GYS2: variants seen among roughly 807,000 people sequenced by gnomAD.
GYS2 encodes the protein glycogen [starch] synthase, liver.
A neutral mutation model predicts 85.6 loss-of-function variants in GYS2; 80 were observed. The observed-to-expected ratio is 0.93, with a 90% CI of 0.78 to 1.13. The LOEUF (loss-of-function observed/expected upper bound fraction) is 1.13, where lower values mean the gene tolerates loss of function less well. Ranked by LOEUF, GYS2 falls within the 50% of genes most tolerant of loss-of-function variation. The pLI is 0.00. For missense variants in GYS2, 881 were observed against 854.9 expected, an observed-to-expected ratio of 1.03 and a Z score of -0.38; for synonymous variants, 328 against 300.7, an observed-to-expected ratio of 1.09 and a Z score of -0.94.
chr12:21,547,892 T>C (rs1944060630), intron 11 of GYS2, among the ~76,000 whole-genome samples: 1 of 152,208 alleles, frequency 6.6e-6, no homozygotes, highest in African/African-American at 2.4e-5. Flanking sequence ...TTCTGTTCAA[T>C]TTTTCTGTGA....
intron 13 of GYS2, among the ~76,000 whole-genome samples, chr12:21,541,258 A>G (rs1194191488): frequency 9.4e-5 from 10 of 106,404 alleles, no homozygotes; most frequent in Non-Finnish European, 1.6e-4. Flanking sequence ...ACAGAGTGAG[A>G]CCATGTTTCC....
rs572016129 is a variant in GYS2, at chr12:21,561,267, C to T, written c.1063-775G>A. On this transcript the variant is annotated intron_variant, in intron 7 of 15. Coordinates refer to ENST00000261195, the MANE Select transcript of GYS2 (RefSeq NM_021957.4). ...GACATTTAAACTGCTGGCTTAGCATCTCTCAAAAGGAAATGACTTGTTAAG... is the reference window on the plus strand; with the variant it reads ...GACATTTAAACTGCTGGCTTAGCATTTCTCAAAAGGAAATGACTTGTTAAG... Among the ~76,000 whole-genome samples, 14 of 152,322 alleles carry T rather than the reference C, an allele frequency of 9.2e-5. No homozygotes were observed. In the South Asian group the frequency reaches 2.9e-3, roughly 32 times the overall value.
At chr12:21,548,419 C>T (rs1373446532) in intron 11 of GYS2, among the ~76,000 whole-genome samples, 2 of 151,994 alleles carry the variant, frequency 1.3e-5, no homozygotes, top group African/African-American at 2.4e-5. Flanking sequence ...ATTTGCACCA[C>T]GAAGATCTGA....
chr12:21,602,166 G>T (rs1434830791), intron 1 of GYS2, among the ~76,000 whole-genome samples: 1 of 152,040 alleles, frequency 6.6e-6, no homozygotes, highest in East Asian at 1.9e-4. Flanking sequence ...TTTTCAGAAA[G>T]TTTCAGAAAT....
Position 21,536,828 on chromosome 12 carries a change from T to C in GYS2, c.*126A>G. The C allele has an allele frequency of 1.4e-6, 1 of 703,916 alleles. No homozygotes were observed. Among genetic ancestry groups the C allele is most frequent in the Non-Finnish European group, 2.5e-6 (1 of 403,214 alleles). 43.6% of individuals were successfully genotyped at this position (703,916 alleles called of 1,614,324 possible). ...TCATTCACTCAATTTCTTCCACTTTTTAGGCAGAGAATAAACTCCATTGTA... is the reference window on the plus strand; with the variant it reads ...TCATTCACTCAATTTCTTCCACTTTCTAGGCAGAGAATAAACTCCATTGTA... On this transcript the variant is annotated 3_prime_UTR_variant, in exon 16 of 16. Transcript: ENST00000261195.
chr12:21,580,397 G>T lies in GYS2; in HGVS notation c.248C>A (p.Pro83His). Reference sequence around the variant, plus strand: ...TGCTCTTCTGACAGCATCATTTACAGGTTCACACTGTTCCACCTGAGTCTT... The same window carrying T: ...TGCTCTTCTGACAGCATCATTTACATGTTCACACTGTTCCACCTGAGTCTT... ...NMKTQVEQCE[P>H]VNDAVRRAVD... Residue 83 changes from proline (P) to histidine (H), a missense_variant, in exon 2 of 16, where the codon CCT becomes CAT. Physicochemically the swap from Pro to His is moderately conservative, Grantham distance 77. Coordinates refer to ENST00000261195, the MANE Select transcript of GYS2 (RefSeq NM_021957.4). 6.2e-7 allele frequency: 1 copy of T among 1,613,804 alleles called. No homozygotes were observed. The highest frequency in any genetic ancestry group is 8.5e-7 in the Non-Finnish European group (1 of 1,179,806).
intron 4 of GYS2, among the ~76,000 whole-genome samples, chr12:21,572,864 C>T (rs1371956456): frequency 6.6e-6 from 1 of 152,128 alleles, no homozygotes; most frequent in African/African-American, 2.4e-5. Flanking sequence ...ATTCAATCTG[C>T]CACTCTAATA....
intron 1 of GYS2, among the ~76,000 whole-genome samples, chr12:21,584,762 C>T (rs1245696399): frequency 1.3e-5 from 2 of 152,130 alleles, no homozygotes; most frequent in Non-Finnish European, 2.9e-5. Flanking sequence ...GTTTCCCAAT[C>T]CTGAACTCAA....
At chr12:21,558,382 AG>A in intron 10 of GYS2, 69 bp from the exon 11 acceptor site, 1 of 943,730 alleles carries the variant, frequency 1.1e-6, no homozygotes. Context: ...TTTCAACAAT[AG>A]GTCATTGACA....
chr12:21,582,518 T>G (rs965357440), intron 1 of GYS2, among the ~76,000 whole-genome samples: 1 of 152,132 alleles, frequency 6.6e-6, no homozygotes, highest in Non-Finnish European at 1.5e-5. Context: ...TGGCCTGTTT[T>G]GGGACCTTGT....
intron 4 of GYS2, among the ~76,000 whole-genome samples, chr12:21,569,786 A>G (rs1591796552): frequency 6.6e-6 from 1 of 152,338 alleles, no homozygotes; most frequent in South Asian, 2.1e-4. Context: ...GATTTTTAGT[A>G]GCTCTTCAGC....
At chr12:21,565,993 A>G (rs1565601894) in intron 5 of GYS2, among the ~76,000 whole-genome samples, 1 of 152,170 alleles carries the variant, frequency 6.6e-6, no homozygotes, top group Non-Finnish European at 1.5e-5. Flanking sequence ...GCAACATAAG[A>G]TATTTAAGGC....
chr12:21,550,605 C>T (rs1944096033), intron 11 of GYS2, among the ~76,000 whole-genome samples: 1 of 152,086 alleles, frequency 6.6e-6, no homozygotes, highest in Non-Finnish European at 1.5e-5. Flanking sequence ...CACCAAATGG[C>T]TTTAGAACTG....
rs188429519 is a variant in GYS2 at position 21,554,696 on chromosome 12, A to G, written c.1422+3504T>C. ...GTGTTAGGGAAAGGTGCAAGGAAAT[A>G]ACGACTTTTAGGTTGGAACCCAGAA... On this transcript the variant is annotated intron_variant, in intron 11 of 15. Coordinates refer to ENST00000261195, the MANE Select transcript of GYS2 (RefSeq NM_021957.4). Among the ~76,000 whole-genome samples, 175 of 152,318 alleles carry G rather than the reference A, an allele frequency of 1.1e-3. 1 individual carries two copies. Among genetic ancestry groups the G allele is most frequent in the Non-Finnish European group, 4.1e-4 (28 of 68,028 alleles).
chr12:21,596,338 C>T (rs769501434), intron 1 of GYS2, among the ~76,000 whole-genome samples: 2 of 151,720 alleles, frequency 1.3e-5, no homozygotes, highest in Non-Finnish European at 2.9e-5. Context: ...AACATAGATG[C>T]TAAAATCCTT....
rs201636818 is a variant in GYS2, at chr12:21,540,702, AC to A, written c.1646-130del. 2.1e-3 allele frequency: 1,638 copies of A among 773,910 alleles called. 26 individuals carry two copies. The African/African-American group carries it at 0.025, about 12-fold the overall frequency. The allele number at this position is 773,910 out of a possible 1,614,324, so 47.9% of individuals were successfully genotyped here. A position where few individuals can be genotyped will look rare whatever the true frequency, so the allele number is the denominator to read the frequency against. Reference sequence around the variant, plus strand: ...TTATCTACCCCCTGACTCAGGAATTACCCCCACTTTATTCTTTTCTGAGGCC... The same window carrying A: ...TTATCTACCCCCTGACTCAGGAATTACCCCACTTTATTCTTTTCTGAGGCC... On this transcript the variant is annotated intron_variant, in intron 13 of 15. Transcript: ENST00000261195.
intron 10 of GYS2, among the ~76,000 whole-genome samples, 190 bp from the exon 11 acceptor site, chr12:21,558,503 C>T (rs1402016018): frequency 3.3e-5 from 5 of 152,280 alleles, no homozygotes; most frequent in East Asian, 3.9e-4. Flanking sequence ...CCTTTGCATG[C>T]TATGAATACA....
rs755191104 is a variant in GYS2 at position 21,575,856 on chromosome 12, T to C, written c.495+10A>G. The stretch of plus-strand genomic sequence containing the variant: ...GCTCCTCCGTTGTATCACTATATAA[T>C]AAACCATACCTCTTTTAAGAACCAG... On this transcript the variant is annotated intron_variant, in intron 3 of 15. Coordinates refer to ENST00000261195, the MANE Select transcript of GYS2 (RefSeq NM_021957.4). 1 of 1,601,150 alleles carries C rather than the reference T, an allele frequency of 6.2e-7. No individual in the cohort carries two copies. Among genetic ancestry groups the C allele is most frequent in the Non-Finnish European group, 8.6e-7 (1 of 1,168,340 alleles).
At chr12:21,593,013 C>A (rs1944656237) in intron 1 of GYS2, among the ~76,000 whole-genome samples, 1 of 151,866 alleles carries the variant, frequency 6.6e-6, no homozygotes, top group Non-Finnish European at 1.5e-5. Context: ...GGAAATTAAA[C>A]AACATGCTCC....
Sources: allele counts gnomAD v4.1 joint callset (sites outside exome capture counted in the v4.1 genomes callset), GRCh38; gene constraint gnomAD v4.1.1; transcripts MANE v1.5; gene names NCBI Gene and HGNC (gene_info 2026-07-23, HGNC 2026-07-21).